Variants in IPO7 observed in about 807,000 individuals in gnomAD.
The protein encoded by IPO7 is importin 7.
A neutral mutation model predicts 136.4 loss-of-function variants in IPO7; 13 were observed. The ratio of observed to expected loss-of-function variants is 0.10; its 90% CI spans 0.06 to 0.15. IPO7 has a LOEUF of 0.15. Among genes scored for constraint, IPO7 ranks in the 10% least tolerant of loss-of-function variants. IPO7 has a pLI of 1.00. For missense variants in IPO7, 857 were observed against 1,240.6 expected, an observed-to-expected ratio of 0.69 and a Z score of 4.65; for synonymous variants, 403 against 404.4, an observed-to-expected ratio of 1.00 and a Z score of 0.04.
At chr11:9,439,124 T>G (rs1226774113) in intron 22 of IPO7, among the ~76,000 whole-genome samples, 1 of 152,118 alleles carries the variant, frequency 6.6e-6, no homozygotes, top group Admixed American at 6.6e-5. Flanking sequence ...TTTTGGCTTT[T>G]TTTCCTTTGA....
At chr11:9,404,865 C>T (rs1022786789) in intron 2 of IPO7, among the ~76,000 whole-genome samples, 1 of 151,916 alleles carries the variant, frequency 6.6e-6, no homozygotes, top group East Asian at 2.0e-4. Context: ...CGCGCCCGGC[C>T]TTCAGATTCA....
chr11:9,414,589 T>G, intron 5 of IPO7, 178 bp downstream of exon 5: 1 of 179,182 alleles, frequency 5.6e-6, no homozygotes, highest in Non-Finnish European at 1.1e-5. Context: ...GCATACTTCC[T>G]CCCCAAATAC....
chr11:9,389,126 T>C (rs1854593023), intron 1 of IPO7, among the ~76,000 whole-genome samples: 1 of 151,930 alleles, frequency 6.6e-6, no homozygotes, highest in African/African-American at 2.4e-5. Context: ...TGATCTTGGC[T>C]CACTGTAGCC....
chr11:9,434,819 A>C, intron 18 of IPO7, 115 bp from the exon 19 acceptor site: 1 of 696,124 alleles, frequency 1.4e-6, no homozygotes, highest in Middle Eastern at 3.9e-4. Context: ...AAAAAAGGTG[A>C]ATGTTAGAGA....
chr11:9,389,277 G>A (rs923434998), intron 1 of IPO7, among the ~76,000 whole-genome samples: 2 of 152,092 alleles, frequency 1.3e-5, no homozygotes, highest in African/African-American at 4.8e-5. Context: ...TCGAACTCCT[G>A]ACCTTAAGTG....
chr11:9,420,374 G>A (rs1817656240), intron 6 of IPO7, 37 bp from the exon 7 acceptor site: 2 of 1,304,908 alleles, frequency 1.5e-6, no homozygotes, highest in Non-Finnish European at 2.2e-6. Flanking sequence ...CTCCTATATT[G>A]TATTATCTCT....
intron 16 of IPO7, among the ~76,000 whole-genome samples, chr11:9,432,044 C>G (rs748377913): frequency 6.6e-6 from 1 of 152,150 alleles, no homozygotes; most frequent in Non-Finnish European, 1.5e-5. Flanking sequence ...GGACCACTTC[C>G]TAACCCCTTT....
chr11:9,437,527 T>C (rs1855396083), intron 20 of IPO7, among the ~76,000 whole-genome samples: 1 of 152,306 alleles, frequency 6.6e-6, no homozygotes, highest in East Asian at 1.9e-4. Flanking sequence ...GTGCTGGGAT[T>C]ACAGGCGTGA....
chr11:9,426,948 G>T (rs750376934), intron 12 of IPO7, among the ~76,000 whole-genome samples: 11 of 150,426 alleles, frequency 7.3e-5, no homozygotes, highest in Non-Finnish European at 1.6e-4. Flanking sequence ...GCGCAATCTC[G>T]ACTCACTGCA....
At chr11:9,418,050 G>C (rs1855067045) in intron 6 of IPO7, among the ~76,000 whole-genome samples, 1 of 149,860 alleles carries the variant, frequency 6.7e-6, no homozygotes, top group South Asian at 2.1e-4. Flanking sequence ...GGAATTTACA[G>C]ATTACTGAAT....
Position 9,438,300 on chromosome 11 carries a change from A to G in IPO7, c.2695+15A>G, listed in dbSNP as rs372847715. On this transcript the variant is annotated intron_variant, in intron 22 of 24. Coordinates refer to ENST00000379719, the MANE Select transcript of IPO7 (RefSeq NM_006391.3). The stretch of plus-strand genomic sequence containing the variant: ...TGATGAAACCGGTAAGGGATTTTCA[A>G]TGGAAGAAGACAAAACTTATCTACT... The G allele has an allele frequency of 1.6e-5, 23 of 1,434,878 alleles. No homozygotes were observed. Among genetic ancestry groups the G allele is most frequent in the Admixed American group, 3.4e-5 (2 of 59,682 alleles). 88.9% of individuals were successfully genotyped at this position (1,434,878 alleles called of 1,614,324 possible). A position where few individuals can be genotyped will look rare whatever the true frequency, so the allele number is the denominator to read the frequency against.
intron 16 of IPO7, chr11:9,433,268 G>A (rs1264239302): frequency 1.3e-5 from 4 of 301,890 alleles, no homozygotes; most frequent in Non-Finnish European, 2.5e-5. Flanking sequence ...TTACAGGCGT[G>A]AGCCACCGCG....
At chr11:9,397,341 A>AAAAATATATATATATAT in intron 1 of IPO7, among the ~76,000 whole-genome samples, 7 of 10,762 alleles carry the variant, frequency 6.5e-4, no homozygotes, top group Non-Finnish European at 1.1e-3. Context: ...TTTAAAAAAA[A>AAAAATATATATATATAT]ATATATATAT....
chr11:9,436,284 T>A lies in IPO7; in HGVS notation c.2186T>A (p.Val729Asp), dbSNP rs1371824432. The A allele has an allele frequency of 6.2e-7, 1 of 1,612,488 alleles. No individual in the cohort carries two copies. The highest frequency in any genetic ancestry group is 1.3e-5 in the African/African-American group (1 of 74,874). ...YSMCKKVLTG[V>D]AGEDAECHAA... is the part of the protein sequence containing the mutation. ...TGTTTTGATCAGGTTCTTACAGGAG[T>A]TGCAGGAGAAGATGCAGAGTGTCAT... The change falls in exon 20 of 25, where the codon GTT (valine) becomes GAT (aspartate). Residue 729 changes from valine to aspartate, a missense_variant. By Grantham distance (152) the Val-to-Asp change is radical. This residue lies in a region of IPO7 where 190 missense variants were observed against 249.0 expected (regional missense o/e 0.76). Coordinates refer to ENST00000379719, the MANE Select transcript of IPO7 (RefSeq NM_006391.3).
chr11:9,386,097 ACTT>A (rs1854548601), intron 1 of IPO7, among the ~76,000 whole-genome samples: 1 of 152,258 alleles, frequency 6.6e-6, no homozygotes, highest in Admixed American at 6.5e-5. Flanking sequence ...TACTAACTGG[ACTT>A]TCAGTGTAAA....
At chr11:9,436,420 C>T in intron 20 of IPO7, 54 bp downstream of exon 20, 8 of 1,225,412 alleles carry the variant, frequency 6.5e-6, no homozygotes, top group Non-Finnish European at 7.0e-6. Context: ...TTTCCTTCCA[C>T]TTTCTTTCTT....
At position 9,403,305 on chromosome 11, in the gene IPO7, A is replaced by G; in HGVS notation, c.100A>G (p.Asn34Asp). The change falls in exon 2 of 25, where the codon AAT becomes GAT. Residue 34 changes from asparagine (N) to aspartate (D), a missense_variant. Physicochemically the swap from Asn to Asp is conservative, Grantham distance 23. Around this residue, in one of 11 missense-constraint regions of IPO7, gnomAD observed 49 missense variants for 59.9 expected, o/e 0.82. Coordinates refer to ENST00000379719, the MANE Select transcript of IPO7 (RefSeq NM_006391.3). ...RQLNEAHKSL[N>D]FVSTLLQITM... The stretch of plus-strand genomic sequence containing the variant: ...TTCTTTGTAGGCACACAAGTCTCTG[A>G]ATTTTGTCTCAACACTGCTCCAGAT... The G allele has an allele frequency of 6.2e-7, 1 of 1,613,120 alleles. No individual in the cohort carries two copies. The highest frequency in any genetic ancestry group is 8.5e-7 in the Non-Finnish European group (1 of 1,179,370).
Position 9,438,204 on chromosome 11 carries a change from T to C in IPO7, c.2614T>C (p.Leu872=), listed in dbSNP as rs762081345. The part of the protein sequence containing the change: ...LPAFILLFNG[L]KRAYACHAEH... Reference sequence around the variant, plus strand: ...GGCTTTTATCCTTTTATTTAACGGATTGAAAAGAGCATATGCCTGCCATGC... The same window carrying C: ...GGCTTTTATCCTTTTATTTAACGGACTGAAAAGAGCATATGCCTGCCATGC... The change falls in exon 22 of 25, where the codon TTG becomes CTG. Residue 872 remains leucine, a synonymous_variant. Coordinates refer to ENST00000379719, the MANE Select transcript of IPO7 (RefSeq NM_006391.3). The C allele has an allele frequency of 5.0e-6, 8 of 1,613,684 alleles. No individual in the cohort carries two copies. In the African/African-American group the frequency reaches 5.3e-5, roughly 11 times the overall value.
At chr11:9,421,068 C>T (rs919824464) in intron 8 of IPO7, among the ~76,000 whole-genome samples, 2 of 152,046 alleles carry the variant, frequency 1.3e-5, no homozygotes, top group African/African-American at 4.8e-5. Context: ...AAGCGATTCT[C>T]CTGCCTCATC....
Sources: gnomAD v4.1 joint callset for allele counts (sites outside exome capture counted in the v4.1 genomes callset) on GRCh38, gnomAD v4.1.1 for gene constraint, gnomAD v4.1.1 regional missense constraint, MANE v1.5 for transcripts, NCBI Gene and HGNC (gene_info 2026-07-23, HGNC 2026-07-21) for gene names.